PTPRD: variants seen among roughly 807,000 people sequenced by gnomAD.
PTPRD encodes the protein receptor-type tyrosine-protein phosphatase delta.
PTPRD carries 34 observed loss-of-function variants against 214.5 expected under a neutral mutation model. That is an observed-to-expected ratio of 0.16 (90% CI 0.12 to 0.21). PTPRD has a LOEUF of 0.21. Ranked by LOEUF, PTPRD falls within the 10% of genes least tolerant of loss-of-function variation. PTPRD has a pLI of 1.00. For synonymous variants in PTPRD, 1,128 were observed against 845.7 expected, an observed-to-expected ratio of 1.33 and a Z score of -5.79; for missense variants, 2,545 against 2,398.7, an observed-to-expected ratio of 1.06 and a Z score of -1.27.
chr9:9,118,970 G>A (rs564306586), intron 10 of PTPRD, among the ~76,000 whole-genome samples: 10 of 152,140 alleles, frequency 6.6e-5, no homozygotes, highest in African/African-American at 2.4e-4. Flanking sequence ...TTGTAGTAGC[G>A]GACATGGACA....
At chr9:10,512,002 A>ATATATG (rs2048369416) in intron 2 of PTPRD, among the ~76,000 whole-genome samples, 1 of 94,426 alleles carries the variant, frequency 1.1e-5, no homozygotes, top group Non-Finnish European at 2.1e-5. Flanking sequence ...GTGTGTATAT[A>ATATATG]TATATATACG....
At chr9:9,461,799 A>T (rs1167341899) in intron 8 of PTPRD, among the ~76,000 whole-genome samples, 1 of 152,142 alleles carries the variant, frequency 6.6e-6, no homozygotes, top group Non-Finnish European at 1.5e-5. Context: ...CAGTAAATGA[A>T]CTGTGCAGAG....
At chr9:10,327,888 T>C (rs145749266) in intron 3 of PTPRD, among the ~76,000 whole-genome samples, 22 of 151,902 alleles carry the variant, frequency 1.4e-4, no homozygotes, top group African/African-American at 4.8e-4. Flanking sequence ...TATTCTTTGA[T>C]ACCTATTTGA....
intron 12 of PTPRD, among the ~76,000 whole-genome samples, chr9:8,698,082 A>G (rs2154389905): frequency 6.6e-6 from 1 of 152,340 alleles, no homozygotes; most frequent in South Asian, 2.1e-4. Flanking sequence ...TTTATTTTAT[A>G]CAAACATAAA....
At chr9:9,822,016 T>A (rs1476131437) in intron 5 of PTPRD, among the ~76,000 whole-genome samples, 1 of 151,462 alleles carries the variant, frequency 6.6e-6, no homozygotes, top group African/African-American at 2.4e-5. Context: ...TCTGTGGTAG[T>A]AAATATCACC....
At chr9:9,904,679 G>C (rs1339725895) in intron 5 of PTPRD, among the ~76,000 whole-genome samples, 1 of 151,934 alleles carries the variant, frequency 6.6e-6, no homozygotes, top group East Asian at 1.9e-4. Context: ...TGAACCATTA[G>C]ATAAACATAA....
At chr9:9,236,750 T>C (rs899011801) in intron 9 of PTPRD, among the ~76,000 whole-genome samples, 3 of 151,872 alleles carry the variant, frequency 2.0e-5, no homozygotes, top group African/African-American at 7.3e-5. Context: ...TTTTGATTAT[T>C]TGGGCTTTGT....
At chr9:9,440,903 T>C (rs897648163) in intron 8 of PTPRD, among the ~76,000 whole-genome samples, 3 of 152,138 alleles carry the variant, frequency 2.0e-5, no homozygotes, top group Non-Finnish European at 4.4e-5. Flanking sequence ...GGGGCTACCC[T>C]AGGATCAGCA....
chr9:9,930,390 T>A (rs2086050727), intron 5 of PTPRD, among the ~76,000 whole-genome samples: 1 of 152,198 alleles, frequency 6.6e-6, no homozygotes, highest in African/African-American at 2.4e-5. Context: ...CAGAGAAGTC[T>A]GAGAAAGAGA....
chr9:9,189,273 A>C (rs1409494336), intron 9 of PTPRD, among the ~76,000 whole-genome samples: 2 of 152,090 alleles, frequency 1.3e-5, no homozygotes, highest in African/African-American at 4.8e-5. Context: ...CTTGAACAAC[A>C]TCTAATTAAA....
chr9:9,878,720 T>A (rs1341355890), intron 5 of PTPRD, among the ~76,000 whole-genome samples: 1 of 152,136 alleles, frequency 6.6e-6, no homozygotes, highest in Non-Finnish European at 1.5e-5. Flanking sequence ...AGAGCATAGG[T>A]GGATTTCTCA....
chr9:9,217,753 A>G (rs896367589), intron 9 of PTPRD, among the ~76,000 whole-genome samples: 3 of 152,026 alleles, frequency 2.0e-5, no homozygotes, highest in African/African-American at 7.2e-5. Flanking sequence ...TCTACTCTTT[A>G]AAACCTCATC....
intron 3 of PTPRD, among the ~76,000 whole-genome samples, chr9:10,092,752 C>T (rs538950048): frequency 3.3e-5 from 5 of 151,382 alleles, no homozygotes; most frequent in African/African-American, 1.2e-4. Context: ...TACAAAAGCA[C>T]ACATACAGAC....
rs1205436760 is a variant in PTPRD at position 9,087,206 on chromosome 9, G to A, written c.-142-68471C>T. The stretch of plus-strand genomic sequence containing the variant: ...TCTAAAATATTTTATTACTATAAAC[G>A]TGTGAAACATCTACAGATTTCCCCA... On this transcript the variant is annotated intron_variant, in intron 10 of 45. Coordinates refer to ENST00000381196, the MANE Select transcript of PTPRD (RefSeq NM_002839.4). Among the ~76,000 whole-genome samples, 4 of 152,062 alleles carry A rather than the reference G, an allele frequency of 2.6e-5. No homozygotes were observed. In the East Asian group the frequency reaches 5.8e-4, roughly 22 times the overall value.
intron 8 of PTPRD, among the ~76,000 whole-genome samples, chr9:9,405,526 G>T (rs1295555706): frequency 6.6e-6 from 1 of 151,798 alleles, no homozygotes; most frequent in Non-Finnish European, 1.5e-5. Context: ...TCTGCTCTGG[G>T]GCATGCTTTA....
intron 5 of PTPRD, among the ~76,000 whole-genome samples, chr9:9,814,096 T>C (rs978495093): frequency 6.6e-6 from 1 of 152,128 alleles, no homozygotes; most frequent in African/African-American, 2.4e-5. Context: ...AAATTTATTA[T>C]CTTTCCATGA....
chr9:9,743,602 A>G (rs1346080058), intron 6 of PTPRD, among the ~76,000 whole-genome samples: 1 of 151,926 alleles, frequency 6.6e-6, no homozygotes, highest in Admixed American at 6.6e-5. Flanking sequence ...CCTGTTCACA[A>G]TCCACACCCT....
chr9:8,738,123 A>G (rs918974555), intron 11 of PTPRD, among the ~76,000 whole-genome samples: 10 of 152,208 alleles, frequency 6.6e-5, no homozygotes, highest in African/African-American at 2.4e-4. Context: ...CAGCTTCTGT[A>G]TATCTGTACA....
At chr9:8,559,226 G>A (rs185948121) in intron 14 of PTPRD, among the ~76,000 whole-genome samples, 8 of 152,206 alleles carry the variant, frequency 5.3e-5, no homozygotes, top group Admixed American at 1.3e-4. Flanking sequence ...GCAGTAATTC[G>A]TTGTTTATTT....
Sources: gnomAD v4.1 joint callset for allele counts (sites outside exome capture counted in the v4.1 genomes callset) on GRCh38, gnomAD v4.1.1 for gene constraint, MANE v1.5 for transcripts, NCBI Gene and HGNC (gene_info 2026-07-23, HGNC 2026-07-21) for gene names.